Variants in BMPR1A observed in about 807,000 individuals in gnomAD.
The protein encoded by BMPR1A is bone morphogenetic protein receptor type 1A, also known as bone morphogenetic protein receptor type-1A.
Under a neutral mutation model 66.0 loss-of-function variants are expected in BMPR1A, and 7 were observed. The observed-to-expected ratio is 0.11, with a 90% confidence interval of 0.06 to 0.20. The LOEUF is 0.20. Ranked by LOEUF, BMPR1A falls within the 10% of genes least tolerant of loss-of-function variation. The pLI is 1.00. For synonymous variants in BMPR1A, 200 were observed against 229.7 expected, an observed-to-expected ratio of 0.87 and a Z score of 1.17; for missense variants, 408 against 669.1, an observed-to-expected ratio of 0.61 and a Z score of 4.31.
intron 5 of BMPR1A, among the ~76,000 whole-genome samples, chr10:86,895,381 T>C (rs1283607094): frequency 1.3e-5 from 2 of 151,928 alleles, no homozygotes; most frequent in Non-Finnish European, 2.9e-5. Context: ...CTACTGATAA[T>C]ACAAAACTTA....
chr10:86,773,747 G>C (rs911476571), intron 1 of BMPR1A, among the ~76,000 whole-genome samples: 3 of 151,834 alleles, frequency 2.0e-5, no homozygotes, highest in African/African-American at 7.3e-5. Context: ...TTCTGTTGTG[G>C]AAATAGCAAA....
At chr10:86,850,263 G>A (rs11202226) in intron 2 of BMPR1A, among the ~76,000 whole-genome samples, 18,990 of 151,650 alleles carry the variant, frequency 0.13, 1,520 homozygotes, top group African/African-American at 0.21. Flanking sequence ...GGAGGTTGCA[G>A]TGAGCTGAGA....
At chr10:86,874,570 T>A (rs1842895172) in intron 2 of BMPR1A, among the ~76,000 whole-genome samples, 2 of 151,876 alleles carry the variant, frequency 1.3e-5, no homozygotes, top group Admixed American at 6.6e-5. Flanking sequence ...CACACCTGGC[T>A]AATTTTTTTT....
intron 2 of BMPR1A, among the ~76,000 whole-genome samples, chr10:86,860,161 A>G (rs981246187): frequency 9.2e-5 from 14 of 152,160 alleles, no homozygotes; most frequent in African/African-American, 3.4e-4. Flanking sequence ...TAAGAAGAAA[A>G]TGTTCATCAA....
At chr10:86,886,773 C>T (rs1033080206) in intron 3 of BMPR1A, among the ~76,000 whole-genome samples, 2 of 151,024 alleles carry the variant, frequency 1.3e-5, no homozygotes, top group Non-Finnish European at 2.9e-5. Flanking sequence ...TTGAGTTTGA[C>T]ACCTAGGATG....
chr10:86,908,368 T>C (rs1416865818), intron 7 of BMPR1A, among the ~76,000 whole-genome samples: 1 of 152,176 alleles, frequency 6.6e-6, no homozygotes, highest in Non-Finnish European at 1.5e-5. Context: ...ACAACAGACA[T>C]TGAAATAAAG....
At chr10:86,803,676 C>G (rs1841844428) in intron 1 of BMPR1A, among the ~76,000 whole-genome samples, 1 of 152,108 alleles carries the variant, frequency 6.6e-6, no homozygotes, top group South Asian at 2.1e-4. Flanking sequence ...TGTGACCTAT[C>G]TCTTGACAGT....
At chr10:86,809,148 A>G (rs945170461) in intron 1 of BMPR1A, among the ~76,000 whole-genome samples, 13 of 152,358 alleles carry the variant, frequency 8.5e-5, no homozygotes, top group African/African-American at 2.4e-4. Context: ...TTTTATTAAA[A>G]TTATAAAATA....
chr10:86,798,032 A>G (rs933120740), intron 1 of BMPR1A, among the ~76,000 whole-genome samples: 2 of 152,138 alleles, frequency 1.3e-5, no homozygotes, highest in African/African-American at 2.4e-5. Flanking sequence ...TCTATTTGCT[A>G]TTTATTATTT....
chr10:86,854,425 T>G (rs191008597), intron 2 of BMPR1A, among the ~76,000 whole-genome samples: 244 of 152,312 alleles, frequency 1.6e-3, no homozygotes, highest in Non-Finnish European at 1.7e-3. Flanking sequence ...GGGTATTGAT[T>G]GAGGAAGTGA....
intron 1 of BMPR1A, among the ~76,000 whole-genome samples, chr10:86,795,177 T>C (rs1023154732): frequency 1.3e-5 from 2 of 152,086 alleles, no homozygotes; most frequent in African/African-American, 4.8e-5. Flanking sequence ...AATCTTTATT[T>C]TTTTTTTTCT....
rs750513716 is a variant in BMPR1A, at chr10:86,917,209, G to T, written c.751G>T (p.Gly251Cys). The T allele has an allele frequency of 1.9e-5, 30 of 1,613,954 alleles. No homozygotes were observed. The highest frequency in any genetic ancestry group is 5.0e-5 in the Admixed American group (3 of 59,988). ...GKGRYGEVWMGKWRGEKVAVK... is the reference protein window; with the variant it reads ...GKGRYGEVWMCKWRGEKVAVK... Reference sequence around the variant, plus strand: ...AGGCCGATATGGAGAAGTATGGATGGGCAAATGGCGTGGCGAAAAAGTGGC... The same window carrying T: ...AGGCCGATATGGAGAAGTATGGATGTGCAAATGGCGTGGCGAAAAAGTGGC... Residue 251 changes from glycine (G) to cysteine (C), a missense_variant, in exon 9 of 13, where the codon GGC becomes TGC. Around this residue, in one of 5 missense-constraint regions of BMPR1A, gnomAD observed 174 missense variants for 265.1 expected, o/e 0.66. Coordinates refer to ENST00000372037, the MANE Select transcript of BMPR1A (RefSeq NM_004329.3).
intron 7 of BMPR1A, 103 bp from the exon 8 acceptor site, chr10:86,912,137 T>G: frequency 3.1e-6 from 4 of 1,281,072 alleles, no homozygotes; most frequent in Non-Finnish European, 4.4e-6. Flanking sequence ...TTGGATAGGA[T>G]TCTTTCTGAG....
intron 1 of BMPR1A, among the ~76,000 whole-genome samples, chr10:86,771,332 A>G (rs775333408): frequency 6.6e-6 from 1 of 152,236 alleles, no homozygotes; most frequent in Non-Finnish European, 1.5e-5. Flanking sequence ...TGTTATTCAC[A>G]TATAAAAGGT....
chr10:86,780,503 C>T (rs1334748176), intron 1 of BMPR1A, among the ~76,000 whole-genome samples: 5 of 152,026 alleles, frequency 3.3e-5, no homozygotes, highest in African/African-American at 7.2e-5. Context: ...GGCACGATCT[C>T]GGCTCACTGC....
intron 1 of BMPR1A, among the ~76,000 whole-genome samples, chr10:86,783,809 G>C (rs11517198): frequency 2.6e-5 from 4 of 152,242 alleles, no homozygotes; most frequent in East Asian, 1.9e-4. Context: ...AGCTGGTCTC[G>C]AAGTGCTGGA....
At chr10:86,875,210 T>A (rs867973505) in intron 2 of BMPR1A, among the ~76,000 whole-genome samples, 50 of 151,642 alleles carry the variant, frequency 3.3e-4, no homozygotes, top group Middle Eastern at 6.9e-3. Context: ...CCATCTCTAC[T>A]AAAAATACAA....
At chr10:86,914,474 G>T (rs543552242) in intron 8 of BMPR1A, among the ~76,000 whole-genome samples, 2 of 152,208 alleles carry the variant, frequency 1.3e-5, no homozygotes, top group East Asian at 3.9e-4. Context: ...TGGCAAAACA[G>T]ATCTGATACA....
At position 86,927,129 on chromosome 10, in the gene BMPR1A, C is replaced by G. The variant is rs1176547717; in HGVS notation, c.*3410C>G. 4 of 186,294 alleles carry G rather than the reference C, an allele frequency of 2.1e-5. No individual in the cohort carries two copies. Among genetic ancestry groups the G allele is most frequent in the Non-Finnish European group, 4.5e-5 (4 of 88,264 alleles). The allele number at this position is 186,294 out of a possible 1,614,324, so 11.5% of individuals were successfully genotyped here. On this transcript the variant is annotated 3_prime_UTR_variant, in exon 13 of 13. Transcript: ENST00000372037. Reference sequence around the variant, plus strand: ...CTAGAACGTGCCAAATTTTGATTTACTCTAACAATCAGTACTTTTCTTCAG... The same window carrying G: ...CTAGAACGTGCCAAATTTTGATTTAGTCTAACAATCAGTACTTTTCTTCAG...
Sources: allele counts gnomAD v4.1 joint callset (sites outside exome capture counted in the v4.1 genomes callset), GRCh38; gene constraint gnomAD v4.1.1; regional missense constraint gnomAD v4.1.1; transcripts MANE v1.5; gene names NCBI Gene and HGNC (gene_info 2026-07-23, HGNC 2026-07-21).